KRT222: variants seen among roughly 807,000 people sequenced by gnomAD.
KRT222 encodes keratin-like protein KRT222.
Under a neutral mutation model 35.0 loss-of-function variants are expected in KRT222, and 23 were observed. That is an observed-to-expected ratio of 0.66 (90% CI 0.47 to 0.93). The LOEUF (loss-of-function observed/expected upper bound fraction) is 0.93, where lower values mean the gene tolerates loss of function less well. Among genes scored for constraint, KRT222 ranks in the 40% least tolerant of loss-of-function variants. The pLI is 0.00. For missense variants in KRT222, 339 were observed against 346.3 expected (o/e 0.98, Z 0.17); for synonymous variants, 108 against 118.8 (o/e 0.91, Z 0.59).
chr17:40,663,728 C>T (rs925435748), intron 1 of KRT222, among the ~76,000 whole-genome samples: 1 of 152,194 alleles, frequency 6.6e-6, no homozygotes, highest in Non-Finnish European at 1.5e-5. Flanking sequence ...GAAGAAAATC[C>T]TCTAAAGTAG....
chr17:40,658,542 A>G (rs1317590084), intron 3 of KRT222, among the ~76,000 whole-genome samples: 3 of 152,320 alleles, frequency 2.0e-5, no homozygotes, highest in Non-Finnish European at 4.4e-5. Flanking sequence ...TCCTCACAGC[A>G]ATCCTATGAG....
chr17:40,659,874 T>C, intron 3 of KRT222, 113 bp downstream of exon 3: 1 of 833,854 alleles, frequency 1.2e-6, no homozygotes, highest in South Asian at 1.6e-5. Context: ...GCTCAGTGAG[T>C]ACACCATGAT....
rs2037334621 is a variant in KRT222, at chr17:40,655,029, A to ATATG, written c.*1372_*1373insCATA. 1 of 146,206 alleles carries ATATG rather than the reference A, an allele frequency of 6.8e-6. No individual in the cohort carries two copies. The highest frequency in any genetic ancestry group is 1.5e-5 in the Non-Finnish European group (1 of 66,730). 9.1% of individuals were successfully genotyped at this position (146,206 alleles called of 1,614,324 possible). A position where few individuals can be genotyped will look rare whatever the true frequency, so the allele number is the denominator to read the frequency against. On this transcript the variant is annotated 3_prime_UTR_variant, in exon 6 of 6. Coordinates refer to ENST00000394052, the MANE Select transcript of KRT222 (RefSeq NM_152349.3). The stretch of plus-strand genomic sequence containing the variant: ...AAACATACATTTTTCTGGTTGAAAT[A>ATATG]TATATATACATATATATAAATTATA...
rs1248973313 is a variant in KRT222, at chr17:40,665,152, G to T, written c.-53C>A. On this transcript the variant is annotated 5_prime_UTR_variant, in exon 1 of 6. Transcript: ENST00000394052. ...CTGAACCTTATCGATAGGATGAGTCGCTGCGGCAGTCTGCTCGGTCTGCGC... is the reference window on the plus strand; with the variant it reads ...CTGAACCTTATCGATAGGATGAGTCTCTGCGGCAGTCTGCTCGGTCTGCGC... 3 of 1,540,078 alleles carry T rather than the reference G, an allele frequency of 1.9e-6. No homozygotes were observed. In the South Asian group the frequency reaches 3.3e-5, roughly 17 times the overall value.
In KRT222 at chr17:40,654,742, AT is replaced by A. The variant is rs1237581501; in HGVS notation, c.*1659del. On this transcript the variant is annotated 3_prime_UTR_variant, in exon 6 of 6. Transcript: ENST00000394052. Reference sequence around the variant, plus strand: ...TTAGTACAATAGCTTATATGATTGCATTTTTAAAGCTTTAATAAAGTTAGTA... The same window carrying A: ...TTAGTACAATAGCTTATATGATTGCATTTTAAAGCTTTAATAAAGTTAGTA... 1 of 152,024 alleles carries A rather than the reference AT, an allele frequency of 6.6e-6. No homozygotes were observed. Among genetic ancestry groups the A allele is most frequent in the African/African-American group, 2.4e-5 (1 of 41,428 alleles). The allele number at this position is 152,024 out of a possible 1,614,324, so 9.4% of individuals were successfully genotyped here. A position where few individuals can be genotyped will look rare whatever the true frequency, so the allele number is the denominator to read the frequency against.
intron 5 of KRT222, among the ~76,000 whole-genome samples, chr17:40,656,834 G>C (rs1159034150): frequency 6.6e-6 from 1 of 152,038 alleles, no homozygotes; most frequent in African/African-American, 2.4e-5. Flanking sequence ...TCTCATGTTT[G>C]GGTTGTATTT....
At position 40,656,352 on chromosome 17, in the gene KRT222, A is replaced by T. The variant is rs1405723241; in HGVS notation, c.*50T>A. ...GGGACAGAGGGAGTTGGTATGGCCC[A>T]CCTTGGTCCATCCTAACATTTTCCA... is the stretch of plus-strand genomic sequence containing the variant. On this transcript the variant is annotated 3_prime_UTR_variant, in exon 6 of 6. Coordinates refer to ENST00000394052, the MANE Select transcript of KRT222 (RefSeq NM_152349.3). The T allele has an allele frequency of 2.1e-6, 3 of 1,406,072 alleles. No homozygotes were observed. Among genetic ancestry groups the T allele is most frequent in the Non-Finnish European group, 3.0e-6 (3 of 991,904 alleles). The allele number at this position is 1,406,072 out of a possible 1,614,324, so 87.1% of individuals were successfully genotyped here.
At position 40,656,581 on chromosome 17, in the gene KRT222, T is replaced by TA; in HGVS notation, c.708dup (p.Lys237Ter). On this transcript the variant is annotated frameshift_variant, in exon 6 of 6. Coordinates refer to ENST00000394052, the MANE Select transcript of KRT222 (RefSeq NM_152349.3). LOFTEE classifies it high-confidence loss of function. ...TTTTTCCTCAATCGAGGGTTATCTT[T>TA]AAAGAAAGAACCTTCCCATTCTTTA... 1 of 1,613,486 alleles carries TA rather than the reference T, an allele frequency of 6.2e-7. No homozygotes were observed. The highest frequency in any genetic ancestry group is 8.5e-7 in the Non-Finnish European group (1 of 1,179,444).
chr17:40,660,974 T>G (rs185471005), intron 2 of KRT222, among the ~76,000 whole-genome samples: 2 of 152,348 alleles, frequency 1.3e-5, no homozygotes, highest in East Asian at 3.9e-4. Flanking sequence ...TGAGACAGTC[T>G]CGCTCTGTCG....
intron 5 of KRT222, 141 bp downstream of exon 5, chr17:40,657,210 CA>C (rs34128971): frequency 0.069 from 25,854 of 376,790 alleles, 310 homozygotes; most frequent in African/African-American, 0.16. Context: ...GACTCAATCT[CA>C]AAAAAAAAAA....
chr17:40,656,361 C>A lies in KRT222; in HGVS notation c.*41G>T. The A allele has an allele frequency of 1.3e-6, 2 of 1,503,106 alleles. No individual in the cohort carries two copies. The highest frequency in any genetic ancestry group is 2.3e-5 in the South Asian group (2 of 88,342). The allele number at this position is 1,503,106 out of a possible 1,614,324, so 93.1% of individuals were successfully genotyped here. A position where few individuals can be genotyped will look rare whatever the true frequency, so the allele number is the denominator to read the frequency against. The stretch of plus-strand genomic sequence containing the variant: ...GGAGTTGGTATGGCCCACCTTGGTC[C>A]ATCCTAACATTTTCCAATCAAGTCA... On this transcript the variant is annotated 3_prime_UTR_variant, in exon 6 of 6. Coordinates refer to ENST00000394052, the MANE Select transcript of KRT222 (RefSeq NM_152349.3).
chr17:40,657,294 A>G (rs1468818952), intron 5 of KRT222, 58 bp downstream of exon 5: 3 of 1,219,874 alleles, frequency 2.5e-6, no homozygotes, highest in Non-Finnish European at 3.3e-6. Flanking sequence ...GGATTACGCA[A>G]AGTTAATTTC....
intron 3 of KRT222, among the ~76,000 whole-genome samples, chr17:40,659,007 T>C (rs2037363172): frequency 1.3e-5 from 2 of 152,160 alleles, no homozygotes; most frequent in South Asian, 4.1e-4. Flanking sequence ...ATGTGTGGTA[T>C]AGGGTGAGCC....
chr17:40,657,633 A>G (rs755308441), intron 4 of KRT222, 41 bp downstream of exon 4: 1 of 1,547,608 alleles, frequency 6.5e-7, no homozygotes, highest in South Asian at 1.1e-5. Flanking sequence ...TGTAAATAGT[A>G]CATCACTTTT....
rs1167547238 is a variant in KRT222 at position 40,655,885 on chromosome 17, G to A, written c.*517C>T. The A allele has an allele frequency of 2.0e-5, 3 of 152,244 alleles. No homozygotes were observed. Among genetic ancestry groups the A allele is most frequent in the East Asian group, 1.9e-4 (1 of 5,184 alleles). The allele number at this position is 152,244 out of a possible 1,614,324, so 9.4% of individuals were successfully genotyped here. ...TCTCAAAAAGAAGAATCCTCATTAGGTGAATAGTGAGTCCCCCTTTAAAAA... is the reference window on the plus strand; with the variant it reads ...TCTCAAAAAGAAGAATCCTCATTAGATGAATAGTGAGTCCCCCTTTAAAAA... On this transcript the variant is annotated 3_prime_UTR_variant, in exon 6 of 6. Transcript: ENST00000394052.
rs746844798 is a variant in KRT222 at position 40,661,932 on chromosome 17, T to A, written c.209A>T (p.Glu70Val). 1.9e-5 allele frequency: 30 copies of A among 1,614,082 alleles called. No individual in the cohort carries two copies. In the Admixed American group the frequency reaches 3.0e-4, roughly 16 times the overall value. ...CATTCTCACCACAGCATGGAGAGAT[T>A]CAATTTCCACTTGCAGGTGGTGCCA... ...RQWHHLQVEIESLHAVERGLE... is the reference protein window; with the variant it reads ...RQWHHLQVEIVSLHAVERGLE... The change falls in exon 2 of 6, where the codon GAA becomes GTA. Residue 70 changes from glutamate to valine, a missense_variant. Physicochemically the swap from Glu to Val is moderately radical, Grantham distance 121. Transcript: ENST00000394052.
intron 1 of KRT222, among the ~76,000 whole-genome samples, chr17:40,663,696 A>G (rs939624156): frequency 2.0e-5 from 3 of 152,252 alleles, no homozygotes; most frequent in African/African-American, 7.2e-5. Context: ...AATTTATTTC[A>G]GCTGACTTTC....
chr17:40,662,125 A>G, intron 1 of KRT222, 81 bp from the exon 2 acceptor site: 4 of 1,544,764 alleles, frequency 2.6e-6, no homozygotes, highest in Non-Finnish European at 3.5e-6. Flanking sequence ...AAGCAATTAT[A>G]GAAAAATTGT....
chr17:40,660,254 T>C, intron 2 of KRT222, 47 bp from the exon 3 acceptor site: 1 of 1,507,774 alleles, frequency 6.6e-7, no homozygotes, highest in Non-Finnish European at 9.1e-7. Context: ...ACAGAATGTG[T>C]TTCTGAAATC....
Sources: allele counts gnomAD v4.1 joint callset (sites outside exome capture counted in the v4.1 genomes callset), GRCh38; gene constraint gnomAD v4.1.1; transcripts MANE v1.5; gene names NCBI Gene and HGNC (gene_info 2026-07-23, HGNC 2026-07-21).